RBFOX1: variants seen among roughly 807,000 people sequenced by gnomAD.
RBFOX1 encodes the protein RNA binding fox-1 homolog 1.
In RBFOX1, 8 loss-of-function variants were observed where a neutral mutation model predicts 57.7. The ratio of observed to expected loss-of-function variants is 0.14; its 90% CI spans 0.08 to 0.25. The LOEUF is 0.25. Among genes scored for constraint, RBFOX1 ranks in the 10% least tolerant of loss-of-function variants. The probability of loss-of-function intolerance (pLI) is 1.00; values close to 1 mark genes in which losing one functional copy is unlikely to be tolerated. For missense variants in RBFOX1, 611 were observed against 548.5 expected, an observed-to-expected ratio of 1.11 and a Z score of -1.14; for synonymous variants, 326 against 222.4, an observed-to-expected ratio of 1.47 and a Z score of -4.15.
chr16:7,320,785 T>C (rs2096531393), intron 4 of RBFOX1, among the ~76,000 whole-genome samples: 1 of 152,236 alleles, frequency 6.6e-6, no homozygotes. Flanking sequence ...GCCCAAAGAA[T>C]ATTTTAAGTA....
At chr16:6,405,156 C>T (rs544183941) in intron 2 of RBFOX1, among the ~76,000 whole-genome samples, 1 of 152,258 alleles carries the variant, frequency 6.6e-6, no homozygotes, top group Non-Finnish European at 1.5e-5. Flanking sequence ...AAATGTCTAT[C>T]ATTTCTATAA....
At position 7,663,756 on chromosome 16, in the gene RBFOX1, T is replaced by A. The variant is rs903832215; in HGVS notation, c.891-1173T>A. Among the ~76,000 whole-genome samples the A allele has an allele frequency of 3.3e-5, 5 of 152,150 alleles. No homozygotes were observed. The East Asian group carries it at 7.7e-4, about 23-fold the overall frequency. On this transcript the variant is annotated intron_variant, in intron 12 of 15. Coordinates refer to ENST00000550418, the MANE Select transcript of RBFOX1 (RefSeq NM_018723.4). ...TAAATAACTATGATCCTTTTAAAAA[T>A]AGGCATTTAGAAACAGCTTCATATG...
chr16:5,424,921 TTC>T (rs1567489950), intron 1 of RBFOX1, among the ~76,000 whole-genome samples: 1 of 103,898 alleles, frequency 9.6e-6, no homozygotes, highest in East Asian at 2.6e-4. Context: ...CTTTCTTTCT[TTC>T]TTTCTTTCTT....
At chr16:6,073,276 G>A (rs1210445148) in intron 1 of RBFOX1, among the ~76,000 whole-genome samples, 1 of 152,178 alleles carries the variant, frequency 6.6e-6, no homozygotes, top group Non-Finnish European at 1.5e-5. Flanking sequence ...TGATGAGCAG[G>A]TATTAGGTTG....
chr16:5,549,911 C>T (rs552006913), intron 2 of RBFOX1, among the ~76,000 whole-genome samples: 1 of 152,206 alleles, frequency 6.6e-6, no homozygotes, highest in African/African-American at 2.4e-5. Context: ...ATAACTTGCA[C>T]AATGAACTGA....
At chr16:5,791,577 ACT>A (rs1019494248) in intron 3 of RBFOX1, among the ~76,000 whole-genome samples, 83 of 152,048 alleles carry the variant, frequency 5.5e-4, no homozygotes, top group African/African-American at 2.0e-3. Flanking sequence ...TGAATGGGTG[ACT>A]CTCCAGGTTC....
chr16:5,817,892 G>T (rs7199491), intron 3 of RBFOX1, among the ~76,000 whole-genome samples: 95,332 of 151,720 alleles, frequency 0.63, 30,522 homozygotes, highest in Non-Finnish European at 0.7. Context: ...GGGATTCACC[G>T]TGTTAGCCAG....
intron 4 of RBFOX1, among the ~76,000 whole-genome samples, chr16:5,949,798 C>G (rs934792564): frequency 6.6e-6 from 1 of 152,136 alleles, no homozygotes; most frequent in Non-Finnish European, 1.5e-5. Flanking sequence ...TCATCCCAAG[C>G]CTATTGAATC....
At chr16:6,415,835 G>C (rs995927170) in intron 2 of RBFOX1, among the ~76,000 whole-genome samples, 6 of 152,202 alleles carry the variant, frequency 3.9e-5, no homozygotes, top group African/African-American at 1.4e-4. Context: ...AGCTAACGTA[G>C]GGACTTCGAA....
chr16:7,285,122 C>G (rs868360799), intron 4 of RBFOX1, among the ~76,000 whole-genome samples: 12 of 70,548 alleles, frequency 1.7e-4, no homozygotes, highest in African/African-American at 5.7e-4. Context: ...CTGTTCTTAT[C>G]CTTTATAGCA....
intron 2 of RBFOX1, among the ~76,000 whole-genome samples, chr16:6,329,243 T>C (rs1261567341): frequency 6.6e-6 from 1 of 152,226 alleles, no homozygotes; most frequent in Admixed American, 6.5e-5. Flanking sequence ...GTTTTGCTTA[T>C]GGGCCAGGCT....
intron 4 of RBFOX1, among the ~76,000 whole-genome samples, chr16:7,394,414 C>G (rs1422164858): frequency 6.6e-6 from 1 of 152,064 alleles, no homozygotes; most frequent in Non-Finnish European, 1.5e-5. Context: ...GCCTGAATCT[C>G]TTGCTTACCT....
At chr16:5,630,084 T>A (rs2048458142) in intron 3 of RBFOX1, among the ~76,000 whole-genome samples, 1 of 152,202 alleles carries the variant, frequency 6.6e-6, no homozygotes. Flanking sequence ...CCTATCTTTA[T>A]CCACTTCTCA....
intron 4 of RBFOX1, among the ~76,000 whole-genome samples, chr16:7,506,735 G>C (rs2073436534): frequency 6.6e-6 from 1 of 152,118 alleles, no homozygotes; most frequent in African/African-American, 2.4e-5. Flanking sequence ...CCATGTGTTG[G>C]AAAGTGTTTT....
At chr16:5,535,538 G>A (rs1298516945) in intron 2 of RBFOX1, among the ~76,000 whole-genome samples, 1 of 152,166 alleles carries the variant, frequency 6.6e-6, no homozygotes, top group Non-Finnish European at 1.5e-5. Context: ...CTAGTTTCCA[G>A]CCCTAGGAAT....
intron 4 of RBFOX1, among the ~76,000 whole-genome samples, chr16:5,949,582 G>A (rs2059478221): frequency 1.3e-5 from 2 of 149,446 alleles, no homozygotes; most frequent in African/African-American, 4.9e-5. Flanking sequence ...ATAATACATT[G>A]CATTTGGTTA....
At chr16:7,242,108 C>CT (rs1426420329) in intron 4 of RBFOX1, among the ~76,000 whole-genome samples, 1 of 152,062 alleles carries the variant, frequency 6.6e-6, no homozygotes, top group Non-Finnish European at 1.5e-5. Context: ...CCAAATTTTC[C>CT]TTCTGTTGAG....
chr16:5,716,768 C>T lies in RBFOX1; in HGVS notation c.318+117807C>T, dbSNP rs139108804. Among the ~76,000 whole-genome samples, 985 of 152,296 alleles carry T rather than the reference C, an allele frequency of 6.5e-3. 8 individuals carry two copies. The highest frequency in any genetic ancestry group is 0.022 in the African/African-American group (899 of 41,566). On this transcript the variant is annotated intron_variant, in intron 3 of 19. Coordinates refer to the RBFOX1 transcript ENST00000641259. Reference sequence around the variant, plus strand: ...TGATTTATATTCCTTTGGGTACATACCCAGAAATCCCATTGGAAACTGGAG... The same window carrying T: ...TGATTTATATTCCTTTGGGTACATATCCAGAAATCCCATTGGAAACTGGAG...
intron 1 of RBFOX1, among the ~76,000 whole-genome samples, chr16:5,427,195 C>T (rs1294575895): frequency 6.6e-6 from 1 of 152,204 alleles, no homozygotes; most frequent in Non-Finnish European, 1.5e-5. Flanking sequence ...TAGGATTCAC[C>T]AGAGAATGAG....
Sources: gnomAD v4.1 joint callset for allele counts (sites outside exome capture counted in the v4.1 genomes callset) on GRCh38, gnomAD v4.1.1 for gene constraint, MANE v1.5 for transcripts, NCBI Gene and HGNC (gene_info 2026-07-23, HGNC 2026-07-21) for gene names.